Variants in CAPZB observed in about 807,000 individuals in gnomAD.
The protein encoded by CAPZB is F-actin-capping protein subunit beta.
Under a neutral mutation model 38.1 loss-of-function variants are expected in CAPZB, and 2 were observed. The observed-to-expected ratio is 0.05, with a 90% CI of 0.02 to 0.17. The LOEUF is 0.17. CAPZB is among the 10% of genes least tolerant of loss of function. The pLI, the probability that CAPZB is intolerant of heterozygous loss-of-function variation, is 1.00. For synonymous variants in CAPZB, 107 were observed against 127.4 expected (o/e 0.84, Z 1.08); for missense variants, 161 against 334.2 (o/e 0.48, Z 4.04).
At chr1:19,395,368 A>G (rs940457709) in intron 2 of CAPZB, among the ~76,000 whole-genome samples, 5 of 152,186 alleles carry the variant, frequency 3.3e-5, no homozygotes, top group African/African-American at 1.2e-4. Context: ...AGTCCCCTCC[A>G]TCTCTTTCTT....
At chr1:19,457,466 T>C (rs909083042) in intron 1 of CAPZB, among the ~76,000 whole-genome samples, 1 of 152,212 alleles carries the variant, frequency 6.6e-6, no homozygotes, top group African/African-American at 2.4e-5. Context: ...CAATACTATG[T>C]ACTGATAATT....
At chr1:19,408,527 C>T (rs1369791389) in intron 2 of CAPZB, among the ~76,000 whole-genome samples, 5 of 152,182 alleles carry the variant, frequency 3.3e-5, no homozygotes, top group Admixed American at 1.3e-4. Context: ...AGGCCCCTGC[C>T]GGCTCTGTTC....
At chr1:19,446,307 A>T (rs988211068) in intron 1 of CAPZB, among the ~76,000 whole-genome samples, 2 of 152,134 alleles carry the variant, frequency 1.3e-5, no homozygotes, top group Non-Finnish European at 2.9e-5. Flanking sequence ...ACCCCTGACA[A>T]CATGTTAGTC....
In CAPZB at chr1:19,368,824, C is replaced by T. The variant is rs370295659; in HGVS notation, c.329+9716G>A. Among the ~76,000 whole-genome samples, 8 of 152,234 alleles carry T rather than the reference C, an allele frequency of 5.3e-5. No individual in the cohort carries two copies. In the East Asian group the frequency reaches 1.2e-3, roughly 22 times the overall value. On this transcript the variant is annotated intron_variant, in intron 4 of 8. Transcript: ENST00000264202. The stretch of plus-strand genomic sequence containing the variant: ...GAGATTACAGGTGTGAGCCACTGTG[C>T]CCCACCGCACCTATTCTTGATACTT...
chr1:19,411,793 CTCTT>C (rs1391308838), intron 2 of CAPZB, among the ~76,000 whole-genome samples: 2 of 152,222 alleles, frequency 1.3e-5, no homozygotes, highest in Non-Finnish European at 2.9e-5. Context: ...GCCCCACTTC[CTCTT>C]TCTAAGCAAA....
chr1:19,339,649 T>A, intron 8 of CAPZB, 32 bp from the exon 9 acceptor site: 1 of 1,534,120 alleles, frequency 6.5e-7, no homozygotes, highest in Non-Finnish European at 9.0e-7. Flanking sequence ...ATCAGCAGAT[T>A]GAACAGGGAC....
intron 1 of CAPZB, among the ~76,000 whole-genome samples, chr1:19,448,270 T>G (rs1470121942): frequency 1.3e-5 from 2 of 152,250 alleles, no homozygotes; most frequent in Admixed American, 1.3e-4. Flanking sequence ...CTTTTCCAAG[T>G]GGCAGAGCTC....
chr1:19,433,772 C>T (rs1331208088), intron 1 of CAPZB, among the ~76,000 whole-genome samples: 1 of 152,188 alleles, frequency 6.6e-6, no homozygotes, highest in Non-Finnish European at 1.5e-5. Context: ...CTTCCCTGGG[C>T]TCTTGGGCTC....
chr1:19,453,799 C>G (rs944643961), intron 1 of CAPZB, among the ~76,000 whole-genome samples: 1 of 152,238 alleles, frequency 6.6e-6, no homozygotes, highest in Non-Finnish European at 1.5e-5. Context: ...TGAATCCACC[C>G]CTTTTACTAT....
In CAPZB at chr1:19,344,402, G is replaced by A. The variant is rs772999738; in HGVS notation, c.687C>T (p.Asn229=). The change falls in exon 8 of 9, where the codon AAC becomes AAT. Residue 229 remains asparagine, a synonymous_variant. Coordinates refer to ENST00000264202, the MANE Select transcript of CAPZB (RefSeq NM_004930.5). ...CCTTTGTTTTTCCAAAGTAGATCTC[G>A]TTCAGCGTACTTCTGATTTTATTTT... ...DMENKIRSTL[N]EIYFGKTKDI... The A allele has an allele frequency of 1.1e-5, 18 of 1,613,988 alleles. No individual in the cohort carries two copies. The Admixed American group carries it at 1.2e-4, about 10-fold the overall frequency.
intron 1 of CAPZB, chr1:19,449,235 G>A: frequency 9.0e-7 from 1 of 1,113,436 alleles, no homozygotes; most frequent in African/African-American, 1.6e-5. Context: ...AGGACAACAG[G>A]AACAAAGTGG....
intron 6 of CAPZB, among the ~76,000 whole-genome samples, chr1:19,353,868 C>T (rs1030348742): frequency 2.6e-5 from 4 of 152,230 alleles, no homozygotes; most frequent in Non-Finnish European, 4.4e-5. Context: ...ACGCCGTGTG[C>T]GGCTCTGCAG....
intron 1 of CAPZB, among the ~76,000 whole-genome samples, chr1:19,433,818 G>GAC (rs2094449822): frequency 6.6e-6 from 1 of 152,146 alleles, no homozygotes; most frequent in East Asian, 1.9e-4. Flanking sequence ...CAATATGGAA[G>GAC]ACTCTATCAA....
chr1:19,478,486 A>C (rs2094614928), intron 1 of CAPZB, among the ~76,000 whole-genome samples: 2 of 152,294 alleles, frequency 1.3e-5, no homozygotes, highest in Admixed American at 1.3e-4. Flanking sequence ...ACAACTGAAA[A>C]CCTAACACTA....
At chr1:19,460,034 TAAGTG>T (rs139962732) in intron 1 of CAPZB, among the ~76,000 whole-genome samples, 44,507 of 151,700 alleles carry the variant, frequency 0.29, 7,180 homozygotes, top group Middle Eastern at 0.4. Context: ...ATGCTTCCTT[TAAGTG>T]AAAAGGTGAA....
chr1:19,387,496 C>T (rs2094210365), intron 2 of CAPZB, among the ~76,000 whole-genome samples: 2 of 152,230 alleles, frequency 1.3e-5, no homozygotes, highest in South Asian at 4.1e-4. Flanking sequence ...AGCCACCTCA[C>T]CTAACACATC....
intron 1 of CAPZB, among the ~76,000 whole-genome samples, chr1:19,450,014 C>T (rs1353372919): frequency 6.6e-6 from 1 of 150,876 alleles, no homozygotes; most frequent in African/African-American, 2.4e-5. Flanking sequence ...TGATGTTGCG[C>T]ACCCGTAGTC....
chr1:19,484,356 C>A, intron 1 of CAPZB: 2 of 1,555,182 alleles, frequency 1.3e-6, no homozygotes, highest in South Asian at 2.4e-5. Context: ...ATTGTGCGTT[C>A]ATCCTTGTCC....
At chr1:19,400,907 C>T (rs552912670) in intron 2 of CAPZB, among the ~76,000 whole-genome samples, 1 of 152,196 alleles carries the variant, frequency 6.6e-6, no homozygotes, top group Admixed American at 6.5e-5. Flanking sequence ...CCGATCCTGA[C>T]CTGGTTCAGA....
Sources: gnomAD v4.1 joint callset for allele counts (sites outside exome capture counted in the v4.1 genomes callset) on GRCh38, gnomAD v4.1.1 for gene constraint, MANE v1.5 for transcripts, NCBI Gene and HGNC (gene_info 2026-07-23, HGNC 2026-07-21) for gene names.